The following ZNF438 variants were observed in gnomAD, a reference collection of about 807,000 sequenced individuals.
ZNF438 encodes the protein zinc finger protein 438.
A neutral mutation model predicts 38.0 loss-of-function variants in ZNF438; 25 were observed. The observed-to-expected ratio is 0.66, with a 90% CI of 0.48 to 0.92. The LOEUF (loss-of-function observed/expected upper bound fraction) is 0.92, where lower values mean the gene tolerates loss of function less well. Among genes scored for constraint, ZNF438 ranks in the 40% least tolerant of loss-of-function variants. The pLI is 0.00. For missense variants in ZNF438, 1,007 were observed against 999.6 expected (o/e 1.01, Z -0.10); for synonymous variants, 372 against 364.1 (o/e 1.02, Z -0.25).
chr10:31,027,374 G>C (rs1041501557), intron 1 of ZNF438, among the ~76,000 whole-genome samples: 4 of 151,786 alleles, frequency 2.6e-5, no homozygotes. Context: ...TTTAAAATTT[G>C]CTTGTGCAAA....
At chr10:30,986,768 C>G (rs1014788028) in intron 1 of ZNF438, among the ~76,000 whole-genome samples, 3 of 152,134 alleles carry the variant, frequency 2.0e-5, no homozygotes, top group Admixed American at 6.5e-5. Flanking sequence ...TGTTGAGCAT[C>G]ATGTTGGCAC....
intron 1 of ZNF438, among the ~76,000 whole-genome samples, chr10:30,942,241 T>C (rs1340424236): frequency 6.6e-6 from 1 of 152,084 alleles, no homozygotes; most frequent in Non-Finnish European, 1.5e-5. Context: ...GGGGCTGAGA[T>C]TATACTGTAA....
intron 3 of ZNF438, among the ~76,000 whole-genome samples, chr10:30,902,154 G>T (rs2042084357): frequency 6.6e-6 from 1 of 152,120 alleles, no homozygotes; most frequent in Non-Finnish European, 1.5e-5. Flanking sequence ...GGCTGGGACT[G>T]GCAGCCTGCT....
upstream of ZNF438, among the ~76,000 whole-genome samples, chr10:31,032,122 G>T (rs937915705): frequency 3.9e-5 from 6 of 152,238 alleles, no homozygotes; most frequent in Admixed American, 3.9e-4. Context: ...CTCAAAGCCT[G>T]AAGTCGGGGT....
chr10:30,948,824 C>G (rs1316983802), intron 1 of ZNF438, among the ~76,000 whole-genome samples: 6 of 150,360 alleles, frequency 4.0e-5, no homozygotes, highest in Non-Finnish European at 8.9e-5. Context: ...GGAAAACACT[C>G]TGCAGGATAT....
chr10:30,938,850 A>G (rs892230450), intron 2 of ZNF438, among the ~76,000 whole-genome samples: 2 of 151,998 alleles, frequency 1.3e-5, no homozygotes, highest in Non-Finnish European at 2.9e-5. Flanking sequence ...GCTGGAGTGC[A>G]GTGGCACGAT....
At chr10:30,976,739 A>C (rs951629537) in intron 1 of ZNF438, among the ~76,000 whole-genome samples, 4 of 71,930 alleles carry the variant, frequency 5.6e-5, no homozygotes, top group African/African-American at 2.6e-4. Context: ...CCTTTATTTA[A>C]TAAAAAAAAA....
intron 1 of ZNF438, among the ~76,000 whole-genome samples, chr10:30,968,434 C>CTTTTT (rs546132410): frequency 2.9e-5 from 3 of 103,616 alleles, no homozygotes; most frequent in Non-Finnish European, 5.8e-5. Flanking sequence ...TGAATGTAAA[C>CTTTTT]TTTTTTTTTT....
At chr10:30,960,096 T>C (rs1312403777) in intron 1 of ZNF438, among the ~76,000 whole-genome samples, 1 of 147,322 alleles carries the variant, frequency 6.8e-6, no homozygotes, top group East Asian at 1.9e-4. Context: ...ATGAAGTGTC[T>C]ATTCTGTTCT....
intron 1 of ZNF438, among the ~76,000 whole-genome samples, chr10:30,998,430 C>G (rs2054281206): frequency 6.6e-6 from 1 of 151,102 alleles, no homozygotes; most frequent in Middle Eastern, 3.2e-3. Context: ...GTAGTCCCAG[C>G]TACTCAGGAG....
exon 5 of ZNF438, chr10:30,849,061 G>T: frequency 6.2e-7 from 1 of 1,614,126 alleles, no homozygotes; most frequent in Non-Finnish European, 8.5e-7. Flanking sequence ...AAGCCAGGGA[G>T]GCCAAAGTGG....
chr10:30,982,194 C>T (rs1475614101), intron 1 of ZNF438, among the ~76,000 whole-genome samples: 3 of 151,528 alleles, frequency 2.0e-5, no homozygotes, highest in Admixed American at 6.6e-5. Flanking sequence ...CTCCGCCTCC[C>T]GGGTTCACAC....
chr10:30,976,729 C>G (rs965614635), intron 1 of ZNF438, among the ~76,000 whole-genome samples: 1 of 109,034 alleles, frequency 9.2e-6, no homozygotes, highest in Non-Finnish European at 1.9e-5. Flanking sequence ...AAAGCAAGAC[C>G]CTTTATTTAA....
chr10:30,859,181 A>G (rs2035171909), intron 4 of ZNF438, among the ~76,000 whole-genome samples: 1 of 152,194 alleles, frequency 6.6e-6, no homozygotes. Context: ...CCCCAGGCTC[A>G]GCTGATCCTC....
rs2031496566 is a variant in ZNF438 at position 30,844,853 on chromosome 10, A to G, written c.*108T>C. On this transcript the variant is annotated 3_prime_UTR_variant, in exon 6 of 6. Transcript: ENST00000413025. ...ACAAAAATCATTTCTGTTCACTCAC[A>G]CCAATCCTGTTGTTTGATCTTTGTG... 1.2e-5 allele frequency: 16 copies of G among 1,359,352 alleles called. No individual in the cohort carries two copies. The East Asian group carries it at 3.2e-4, about 27-fold the overall frequency. 84.2% of individuals were successfully genotyped at this position (1,359,352 alleles called of 1,614,324 possible).
chr10:30,885,279 GCT>G (rs1397142090), intron 3 of ZNF438, among the ~76,000 whole-genome samples: 1 of 152,180 alleles, frequency 6.6e-6, no homozygotes, highest in East Asian at 1.9e-4. Context: ...TTGGGCAGCT[GCT>G]CTTTTGACAG....
At chr10:30,878,934 G>C (rs2038848931) in intron 3 of ZNF438, among the ~76,000 whole-genome samples, 1 of 152,142 alleles carries the variant, frequency 6.6e-6, no homozygotes, top group Admixed American at 6.5e-5. Flanking sequence ...ATCAGGTCAA[G>C]AAAAACTGAT....
chr10:30,870,570 A>G (rs1320339319), intron 4 of ZNF438, among the ~76,000 whole-genome samples: 1 of 152,204 alleles, frequency 6.6e-6, no homozygotes, highest in African/African-American at 2.4e-5. Context: ...CTTGTATTAG[A>G]GAAGCTTTGT....
chr10:30,861,442 T>C (rs914662449), intron 4 of ZNF438, among the ~76,000 whole-genome samples: 4 of 152,150 alleles, frequency 2.6e-5, no homozygotes, highest in Admixed American at 6.5e-5. Flanking sequence ...TATATCATGC[T>C]GCAAGAGGAA....
Sources: allele counts gnomAD v4.1 joint callset (sites outside exome capture counted in the v4.1 genomes callset), GRCh38; gene constraint gnomAD v4.1.1; transcripts MANE v1.5; gene names NCBI Gene and HGNC (gene_info 2026-07-23, HGNC 2026-07-21).